ANKRD31: variants seen among roughly 807,000 people sequenced by gnomAD.
ANKRD31 encodes the protein ankyrin repeat domain-containing protein 31.
ANKRD31 carries 147 observed loss-of-function variants against 186.0 expected under a neutral mutation model. That is an observed-to-expected ratio of 0.79 (90% CI 0.69 to 0.91). ANKRD31 has a LOEUF of 0.91. Ranked by LOEUF, ANKRD31 falls within the 40% of genes least tolerant of loss-of-function variation. The pLI is 0.00. For missense variants in ANKRD31, 1,986 were observed against 2,148.8 expected (o/e 0.92, Z 1.50); for synonymous variants, 673 against 736.4 (o/e 0.91, Z 1.39).
intron 22 of ANKRD31, among the ~76,000 whole-genome samples, chr5:75,098,154 G>A (rs551116881): frequency 5.7e-4 from 87 of 152,006 alleles, no homozygotes; most frequent in Non-Finnish European, 9.3e-4. Flanking sequence ...CACCATGCCC[G>A]GCTAATTTTT....
chr5:75,123,929 G>A (rs1748996450), intron 17 of ANKRD31, among the ~76,000 whole-genome samples: 3 of 151,894 alleles, frequency 2.0e-5, no homozygotes, highest in Admixed American at 2.0e-4. Flanking sequence ...ACAGACATAT[G>A]AAACTATATT....
intron 10 of ANKRD31, among the ~76,000 whole-genome samples, chr5:75,178,258 G>A (rs541367085): frequency 1.1e-4 from 17 of 152,270 alleles, no homozygotes; most frequent in African/African-American, 3.6e-4. Context: ...CCTACAAAGA[G>A]ACTTAGACTC....
intron 3 of ANKRD31, among the ~76,000 whole-genome samples, chr5:75,216,605 A>G (rs113151612): frequency 1.8e-3 from 275 of 152,288 alleles, no homozygotes; most frequent in African/African-American, 5.7e-3. Context: ...TTGGTGTTAA[A>G]TGTTTTGCTT....
intron 2 of ANKRD31, 43 bp downstream of exon 2, chr5:75,230,518 CT>C: frequency 2.1e-6 from 3 of 1,439,616 alleles, no homozygotes. Flanking sequence ...TGGGGACTAA[CT>C]GGGAAACTAA....
At chr5:75,178,269 C>T (rs1319187466) in intron 10 of ANKRD31, among the ~76,000 whole-genome samples, 1 of 152,070 alleles carries the variant, frequency 6.6e-6, no homozygotes, top group Non-Finnish European at 1.5e-5. Context: ...ACTTAGACTC[C>T]CACACATTAA....
intron 2 of ANKRD31, among the ~76,000 whole-genome samples, chr5:75,228,918 G>C (rs1757789904): frequency 6.6e-6 from 1 of 152,150 alleles, no homozygotes; most frequent in African/African-American, 2.4e-5. Flanking sequence ...AGATGAAACT[G>C]TAACTTCCCA....
At chr5:75,121,428 A>T (rs879309433) in intron 17 of ANKRD31, among the ~76,000 whole-genome samples, 2 of 152,152 alleles carry the variant, frequency 1.3e-5, no homozygotes, top group Admixed American at 1.3e-4. Context: ...AAAGAAACAC[A>T]GGAGTTAAAT....
intron 1 of ANKRD31, among the ~76,000 whole-genome samples, chr5:75,233,256 T>G (rs559866220): frequency 2.0e-5 from 3 of 151,976 alleles, no homozygotes; most frequent in Admixed American, 6.6e-5. Flanking sequence ...AGAGACAGGA[T>G]TTCACCTTGT....
rs955958184 is a variant in ANKRD31, at chr5:75,146,521, T to A, written c.2890A>T (p.Thr964Ser). 5 of 1,536,532 alleles carry A rather than the reference T, an allele frequency of 3.3e-6. 1 individual carries two copies. The Admixed American group carries it at 9.8e-5, about 30-fold the overall frequency. ...QENELKAVSL[T>S]TLPEQEAVNF... is the part of the protein sequence containing the mutation. The stretch of plus-strand genomic sequence containing the variant: ...ACAGCTTCCTGTTCTGGAAGTGTGG[T>A]TAGGCTGACTGCTTTTAACTCATTT... Residue 964 changes from threonine (T) to serine (S), a missense_variant, in exon 14 of 26, where the codon ACC becomes TCC. By Grantham distance (58) the Thr-to-Ser change is moderately conservative. Transcript: ENST00000506364.
chr5:75,113,078 G>A (rs544603812), intron 19 of ANKRD31, among the ~76,000 whole-genome samples: 5 of 152,254 alleles, frequency 3.3e-5, no homozygotes, highest in Non-Finnish European at 5.9e-5. Context: ...GTCCTTGTCA[G>A]TACTAATCTT....
chr5:75,224,140 T>TATAC (rs1561549996), intron 2 of ANKRD31, among the ~76,000 whole-genome samples: 1 of 60,038 alleles, frequency 1.7e-5, no homozygotes, highest in East Asian at 4.0e-4. Context: ...TATATATATA[T>TATAC]ATATATATAT....
intron 10 of ANKRD31, among the ~76,000 whole-genome samples, chr5:75,177,874 G>A (rs1015935309): frequency 6.6e-6 from 1 of 152,032 alleles, no homozygotes; most frequent in Non-Finnish European, 1.5e-5. Context: ...ATCAAATTCA[G>A]ACATAACAAT....
At chr5:75,168,596 T>C (rs1399507441) in intron 11 of ANKRD31, among the ~76,000 whole-genome samples, 8 of 152,260 alleles carry the variant, frequency 5.3e-5, no homozygotes, top group South Asian at 2.1e-4. Flanking sequence ...AGGCTGATTA[T>C]GAAAGTGACA....
chr5:75,118,050 G>A, intron 18 of ANKRD31, 85 bp downstream of exon 18: 2 of 1,074,948 alleles, frequency 1.9e-6, no homozygotes, highest in Non-Finnish European at 2.4e-6. Context: ...TCCCAGTTAT[G>A]AAACAATTTA....
chr5:75,217,207 C>T (rs945349641), intron 3 of ANKRD31, among the ~76,000 whole-genome samples: 7 of 151,974 alleles, frequency 4.6e-5, no homozygotes, highest in African/African-American at 7.3e-5. Context: ...CTGTTGTCTT[C>T]GGGTGGAGAG....
chr5:75,097,125 T>C (rs896296134), intron 22 of ANKRD31, among the ~76,000 whole-genome samples: 2 of 152,224 alleles, frequency 1.3e-5, no homozygotes, highest in Admixed American at 6.5e-5. Context: ...AACATACATA[T>C]GCATGTGTCT....
intron 4 of ANKRD31, among the ~76,000 whole-genome samples, chr5:75,208,902 A>G (rs1156667831): frequency 6.6e-6 from 1 of 151,764 alleles, no homozygotes; most frequent in African/African-American, 2.4e-5. Flanking sequence ...GGGTAACCAC[A>G]CTCCTGTGAT....
intron 25 of ANKRD31, among the ~76,000 whole-genome samples, chr5:75,072,752 A>G (rs1004639528): frequency 6.6e-5 from 10 of 152,228 alleles, no homozygotes; most frequent in Admixed American, 3.9e-4. Context: ...GTAGAGGATC[A>G]TGATATGAAA....
intron 3 of ANKRD31, among the ~76,000 whole-genome samples, chr5:75,217,208 G>A (rs543193480): frequency 2.3e-4 from 35 of 152,204 alleles, no homozygotes; most frequent in African/African-American, 7.0e-4. Context: ...TGTTGTCTTC[G>A]GGTGGAGAGT....
Sources: allele counts gnomAD v4.1 joint callset (sites outside exome capture counted in the v4.1 genomes callset), GRCh38; gene constraint gnomAD v4.1.1; transcripts MANE v1.5; gene names NCBI Gene and HGNC (gene_info 2026-07-23, HGNC 2026-07-21).